The following SAMD12 variants were observed in gnomAD, a reference collection of about 807,000 sequenced individuals.
SAMD12 encodes the protein sterile alpha motif domain-containing protein 12.
SAMD12 carries 9 observed loss-of-function variants against 15.0 expected under a neutral mutation model. The observed-to-expected ratio is 0.60, with a 90% CI of 0.36 to 1.05. SAMD12 has a LOEUF of 1.05. SAMD12 is among the 50% of genes least tolerant of loss of function. The probability of loss-of-function intolerance (pLI) is 0.01; values close to 1 mark genes in which losing one functional copy is unlikely to be tolerated. For synonymous variants in SAMD12, 86 were observed against 90.1 expected (o/e 0.96, Z 0.25); for missense variants, 230 against 234.2 (o/e 0.98, Z 0.12).
At chr8:118,147,112 C>T in the SAMD12 span, among the ~76,000 whole-genome samples, 2 of 151,822 alleles carry the variant, frequency 1.3e-5, no homozygotes, top group East Asian at 3.9e-4. Flanking sequence ...GAAAACTCTG[C>T]CTCCTGGGTT....
At position 118,203,295 on chromosome 8, in the gene SAMD12, C is replaced by A. The variant is rs533853382; in HGVS notation, c.434-5563G>T. On this transcript the variant is annotated intron_variant, in intron 4 of 4. Transcript: ENST00000409003. ...TTTATTTTAACAGTCTAAGATCTTT[C>A]CTATGTTTAGAGCACTGGTTCTCAA... 5.9e-5 allele frequency among the ~76,000 whole-genome samples: 9 copies of A among 152,204 alleles called. No individual in the cohort carries two copies. In the South Asian group the frequency reaches 1.9e-3, roughly 32 times the overall value.
At chr8:118,215,614 C>A (rs1811941486) in intron 4 of SAMD12, among the ~76,000 whole-genome samples, 1 of 151,332 alleles carries the variant, frequency 6.6e-6, no homozygotes, top group African/African-American at 2.4e-5. Flanking sequence ...TCCCTCCCCT[C>A]TCCCCCCACC....
At chr8:118,205,329 C>T (rs927766343) in intron 4 of SAMD12, among the ~76,000 whole-genome samples, 21 of 152,234 alleles carry the variant, frequency 1.4e-4, no homozygotes, top group African/African-American at 5.1e-4. Context: ...CCTTGAGGAG[C>T]AGAGTCTACA....
chr8:118,422,520 A>G (rs1029396935), intron 3 of SAMD12, among the ~76,000 whole-genome samples: 12 of 152,308 alleles, frequency 7.9e-5, no homozygotes, highest in African/African-American at 2.9e-4. Flanking sequence ...AATGAGAGTG[A>G]TGTGCTGTGG....
intron 4 of SAMD12, among the ~76,000 whole-genome samples, chr8:118,326,676 A>G (rs1043570488): frequency 1.3e-5 from 2 of 152,176 alleles, no homozygotes; most frequent in African/African-American, 4.8e-5. Flanking sequence ...GTATCAAACC[A>G]AATTTAATCC....
At chr8:118,423,385 C>G (rs1426296511) in intron 3 of SAMD12, among the ~76,000 whole-genome samples, 1 of 152,082 alleles carries the variant, frequency 6.6e-6, no homozygotes, top group Non-Finnish European at 1.5e-5. Flanking sequence ...GTCCATGGCT[C>G]ACAGGACGTT....
chr8:118,356,177 C>T (rs901468062), intron 4 of SAMD12, among the ~76,000 whole-genome samples: 1 of 152,154 alleles, frequency 6.6e-6, no homozygotes, highest in Non-Finnish European at 1.5e-5. Flanking sequence ...TCCCATTTTA[C>T]TTAAAAGAAA....
chr8:118,310,487 G>A (rs576118673), intron 4 of SAMD12, among the ~76,000 whole-genome samples: 47 of 152,238 alleles, frequency 3.1e-4, no homozygotes, highest in Non-Finnish European at 6.0e-4. Flanking sequence ...ATCCACAGCT[G>A]TGAAAGACAC....
chr8:118,308,555 C>G (rs1815460350), intron 4 of SAMD12, among the ~76,000 whole-genome samples: 1 of 152,160 alleles, frequency 6.6e-6, no homozygotes, highest in African/African-American at 2.4e-5. Context: ...ACTCCTTCTA[C>G]CAGGCATCAG....
intron 2 of SAMD12, among the ~76,000 whole-genome samples, chr8:118,449,108 G>A (rs1245487039): frequency 2.0e-5 from 3 of 150,014 alleles, no homozygotes; most frequent in African/African-American, 4.9e-5. Context: ...TGTCATCCAG[G>A]CTGGAGTGCA....
intron 2 of SAMD12, among the ~76,000 whole-genome samples, chr8:118,480,866 C>G (rs1824105684): frequency 6.6e-6 from 1 of 152,190 alleles, no homozygotes; most frequent in Admixed American, 6.5e-5. Context: ...ACAATTCCCT[C>G]TATCTGCCCA....
the SAMD12 span, among the ~76,000 whole-genome samples, chr8:118,168,981 G>A: frequency 4.6e-5 from 7 of 152,070 alleles, no homozygotes; most frequent in Non-Finnish European, 2.9e-5. Context: ...AAGATGTTTA[G>A]CATTTTAATA....
chr8:118,164,473 C>T, the SAMD12 span, among the ~76,000 whole-genome samples: 9 of 152,248 alleles, frequency 5.9e-5, no homozygotes, highest in South Asian at 2.1e-4. Context: ...CTTTTTTAAA[C>T]GACCTCAGGA....
chr8:118,139,535 T>G, the SAMD12 span, among the ~76,000 whole-genome samples: 1 of 152,070 alleles, frequency 6.6e-6, no homozygotes. Context: ...TATCTATATA[T>G]TTTTAGAGAT....
At chr8:118,270,225 A>G (rs1813319642) in intron 4 of SAMD12, among the ~76,000 whole-genome samples, 1 of 152,168 alleles carries the variant, frequency 6.6e-6, no homozygotes, top group Non-Finnish European at 1.5e-5. Context: ...TTCTGAGTTT[A>G]TGGACATTGC....
downstream of SAMD12, among the ~76,000 whole-genome samples, chr8:118,187,883 C>A (rs1015050717): frequency 6.6e-6 from 1 of 152,044 alleles, no homozygotes; most frequent in Non-Finnish European, 1.5e-5. Context: ...AAACATGGCA[C>A]CAAGTTTAAT....
chr8:118,221,034 C>T (rs192877726), intron 4 of SAMD12, among the ~76,000 whole-genome samples: 24 of 151,948 alleles, frequency 1.6e-4, no homozygotes, highest in Non-Finnish European at 2.6e-4. Flanking sequence ...AAAATAACTA[C>T]GGGGAAAACT....
intron 4 of SAMD12, among the ~76,000 whole-genome samples, chr8:118,242,570 T>C (rs1407698397): frequency 6.6e-6 from 1 of 152,130 alleles, no homozygotes; most frequent in Non-Finnish European, 1.5e-5. Flanking sequence ...AACTTTATTA[T>C]AGGTAGGTAT....
At chr8:118,151,672 C>CA in the SAMD12 span, among the ~76,000 whole-genome samples, 11 of 151,002 alleles carry the variant, frequency 7.3e-5, no homozygotes, top group South Asian at 1.3e-3. Flanking sequence ...ACTAAAAATA[C>CA]AAAAAAAATT....
Sources: gnomAD v4.1 joint callset for allele counts (sites outside exome capture counted in the v4.1 genomes callset) on GRCh38, gnomAD v4.1.1 for gene constraint, MANE v1.5 for transcripts, NCBI Gene and HGNC (gene_info 2026-07-23, HGNC 2026-07-21) for gene names.